PPP1R12A: variants seen among roughly 807,000 people sequenced by gnomAD.
The protein encoded by PPP1R12A is protein phosphatase 1 regulatory subunit 12A.
PPP1R12A carries 19 observed loss-of-function variants against 139.6 expected under a neutral mutation model. That is an observed-to-expected ratio of 0.14 (90% CI 0.09 to 0.20). PPP1R12A has a LOEUF of 0.20. PPP1R12A is among the 10% of genes least tolerant of loss of function. The pLI, the probability that PPP1R12A is intolerant of heterozygous loss-of-function variation, is 1.00. For synonymous variants in PPP1R12A, 427 were observed against 420.6 expected, an observed-to-expected ratio of 1.02 and a Z score of -0.19; for missense variants, 925 against 1,211.5, an observed-to-expected ratio of 0.76 and a Z score of 3.51.
chr12:79,800,897 C>A (rs934429761), intron 14 of PPP1R12A, among the ~76,000 whole-genome samples: 1 of 151,850 alleles, frequency 6.6e-6, no homozygotes, highest in African/African-American at 2.4e-5. Context: ...CCACGCCTGG[C>A]TAATTTTTTG....
chr12:79,793,679 T>G, intron 19 of PPP1R12A, 184 bp downstream of exon 19: 1 of 507,194 alleles, frequency 2.0e-6, no homozygotes, highest in Non-Finnish European at 3.4e-6. Flanking sequence ...CTCCAAAACA[T>G]TATTTTGTGA....
chr12:79,854,731 G>A (rs979060116), intron 2 of PPP1R12A, among the ~76,000 whole-genome samples: 1 of 151,968 alleles, frequency 6.6e-6, no homozygotes, highest in Non-Finnish European at 1.5e-5. Flanking sequence ...AAGTGAACAG[G>A]TGCAATCATA....
At chr12:79,916,943 C>G (rs1887043392) in intron 1 of PPP1R12A, among the ~76,000 whole-genome samples, 1 of 150,678 alleles carries the variant, frequency 6.6e-6, no homozygotes, top group African/African-American at 2.4e-5. Context: ...CCAAAAGTAA[C>G]ATAATTCAAA....
chr12:79,873,664 C>T (rs996416079), intron 1 of PPP1R12A, among the ~76,000 whole-genome samples: 1 of 151,782 alleles, frequency 6.6e-6, no homozygotes, highest in African/African-American at 2.4e-5. Flanking sequence ...ACCCTGTCTC[C>T]AAAAAAAGTG....
In PPP1R12A at chr12:79,775,748, CAACAAA is replaced by C. The variant is rs1282017138; in HGVS notation, c.*175_*180del. ...AAAAAAACAAAAAACAAACCAACAACAACAAAAACACCCCAGAAAATTAAACAAAAT... is the reference window on the plus strand; with the variant it reads ...AAAAAAACAAAAAACAAACCAACAACAACACCCCAGAAAATTAAACAAAAT... On this transcript the variant is annotated 3_prime_UTR_variant, in exon 25 of 25. Transcript: ENST00000450142. 1.0e-5 allele frequency: 4 copies of C among 389,506 alleles called. No individual in the cohort carries two copies. The highest frequency in any genetic ancestry group is 1.8e-5 in the Non-Finnish European group (4 of 220,916). The allele number at this position is 389,506 out of a possible 1,614,324, so 24.1% of individuals were successfully genotyped here.
At chr12:79,847,096 G>A (rs1302097486) in intron 2 of PPP1R12A, among the ~76,000 whole-genome samples, 1 of 152,010 alleles carries the variant, frequency 6.6e-6, no homozygotes, top group East Asian at 1.9e-4. Flanking sequence ...CTACTATTAT[G>A]TTCCCTCCCC....
intron 8 of PPP1R12A, among the ~76,000 whole-genome samples, chr12:79,818,135 GC>G (rs1258047528): frequency 6.6e-6 from 1 of 152,174 alleles, no homozygotes. Flanking sequence ...TTCAAGTAGT[GC>G]CCTAGGTACT....
chr12:79,924,195 C>T (rs953474991), intron 1 of PPP1R12A, among the ~76,000 whole-genome samples: 11 of 151,906 alleles, frequency 7.2e-5, no homozygotes, highest in South Asian at 2.1e-4. Flanking sequence ...GGCATTTTAA[C>T]TGTAAAAAAT....
intron 1 of PPP1R12A, among the ~76,000 whole-genome samples, chr12:79,907,387 A>G (rs1354069502): frequency 1.3e-5 from 2 of 152,188 alleles, no homozygotes; most frequent in Non-Finnish European, 2.9e-5. Context: ...AAAACTTCTG[A>G]GTGTCCTAAG....
intron 1 of PPP1R12A, among the ~76,000 whole-genome samples, chr12:79,907,391 T>C (rs1040062698): frequency 6.6e-6 from 1 of 152,100 alleles, no homozygotes; most frequent in Non-Finnish European, 1.5e-5. Flanking sequence ...CTTCTGAGTG[T>C]CCTAAGAGAT....
chr12:79,814,643 C>T (rs1875079605), intron 9 of PPP1R12A, among the ~76,000 whole-genome samples: 1 of 150,394 alleles, frequency 6.6e-6, no homozygotes, highest in Non-Finnish European at 1.5e-5. Context: ...TGATGAAACC[C>T]CGTCTCTACT....
intron 14 of PPP1R12A, among the ~76,000 whole-genome samples, chr12:79,801,753 G>A (rs979621398): frequency 5.3e-5 from 8 of 152,118 alleles, no homozygotes; most frequent in African/African-American, 1.7e-4. Flanking sequence ...AATTTCTCAC[G>A]CAAGATCTTA....
chr12:79,817,214 TAAA>T (rs1199391939), intron 9 of PPP1R12A, among the ~76,000 whole-genome samples, 177 bp downstream of exon 9: 3 of 152,150 alleles, frequency 2.0e-5, no homozygotes, highest in African/African-American at 4.8e-5. Flanking sequence ...GCAAAAAGGA[TAAA>T]AAAACATGAT....
chr12:79,879,976 T>C (rs1357887425), intron 1 of PPP1R12A, among the ~76,000 whole-genome samples: 1 of 152,134 alleles, frequency 6.6e-6, no homozygotes, highest in African/African-American at 2.4e-5. Flanking sequence ...ACATACCAAA[T>C]GCAATCCTTC....
intron 11 of PPP1R12A, among the ~76,000 whole-genome samples, chr12:79,807,764 G>A (rs935216193): frequency 4.6e-5 from 7 of 152,046 alleles, no homozygotes; most frequent in Non-Finnish European, 8.8e-5. Flanking sequence ...TATTGGCCGG[G>A]TGCAGTGGTT....
At chr12:79,881,794 T>A (rs1189408084) in intron 1 of PPP1R12A, among the ~76,000 whole-genome samples, 1 of 152,188 alleles carries the variant, frequency 6.6e-6, no homozygotes, top group East Asian at 1.9e-4. Flanking sequence ...CACGGACAGT[T>A]TGAATCTCTT....
At chr12:79,822,069 A>T in intron 6 of PPP1R12A, 47 bp downstream of exon 6, 1 of 1,311,094 alleles carries the variant, frequency 7.6e-7, no homozygotes, top group Non-Finnish European at 1.1e-6. Flanking sequence ...TCAAATTCAA[A>T]ATTATTAAGG....
At chr12:79,812,843 C>T (rs1008210659) in intron 9 of PPP1R12A, among the ~76,000 whole-genome samples, 2 of 152,120 alleles carry the variant, frequency 1.3e-5, no homozygotes, top group Non-Finnish European at 2.9e-5. Context: ...TCAAACTTCA[C>T]AATTATGTTA....
intron 3 of PPP1R12A, among the ~76,000 whole-genome samples, chr12:79,833,302 T>C (rs1217560433): frequency 6.6e-6 from 1 of 151,900 alleles, no homozygotes; most frequent in Non-Finnish European, 1.5e-5. Flanking sequence ...CAAAAATGAA[T>C]AGGACCCTCT....
Sources: allele counts gnomAD v4.1 joint callset (sites outside exome capture counted in the v4.1 genomes callset), GRCh38; gene constraint gnomAD v4.1.1; transcripts MANE v1.5; gene names NCBI Gene and HGNC (gene_info 2026-07-23, HGNC 2026-07-21).